BDH1: variants seen among roughly 807,000 people sequenced by gnomAD.
BDH1 encodes the protein D-beta-hydroxybutyrate dehydrogenase, mitochondrial.
In BDH1, 30 loss-of-function variants were observed where a neutral mutation model predicts 33.1. The ratio of observed to expected loss-of-function variants is 0.91; its 90% CI spans 0.68 to 1.23. BDH1 has a LOEUF of 1.23. Among genes scored for constraint, BDH1 ranks in the 50% most tolerant of loss-of-function variants. BDH1 has a pLI of 0.00. For missense variants in BDH1, 443 were observed against 464.4 expected (o/e 0.95, Z 0.42); for synonymous variants, 190 against 183.6 (o/e 1.03, Z -0.28).
Position 197,526,787 on chromosome 3 carries a change from C to T in BDH1, c.268-4006G>A, listed in dbSNP as rs574458401. Among the ~76,000 whole-genome samples the T allele has an allele frequency of 1.2e-4, 19 of 152,340 alleles. No homozygotes were observed. Among genetic ancestry groups the T allele is most frequent in the African/African-American group, 2.6e-4 (11 of 41,574 alleles). On this transcript the variant is annotated intron_variant, in intron 5 of 7. Coordinates refer to ENST00000392379, the MANE Select transcript of BDH1 (RefSeq NM_203314.3). The surrounding 1 kb of genome is among the most constrained non-coding windows in gnomAD (Gnocchi z 4.7). ...AGACGAGCCACTCCTGTCTCAATCTCGGGCCTTTAGACTTCTTCTGGTGGA... is the reference window on the plus strand; with the variant it reads ...AGACGAGCCACTCCTGTCTCAATCTTGGGCCTTTAGACTTCTTCTGGTGGA...
Position 197,514,468 on chromosome 3 carries a change from A to G in BDH1, c.410-52T>C, listed in dbSNP as rs747303349. On this transcript the variant is annotated intron_variant, in intron 6 of 7. Transcript: ENST00000392379. The surrounding 1 kb of genome is among the most constrained non-coding windows in gnomAD (Gnocchi z 4.2). ...TTTACCACATGGGCTTGGCCCAGAC[A>G]TTGCCCATCAGCCTGCAGGCCAGCC... 3 of 1,495,828 alleles carry G rather than the reference A, an allele frequency of 2.0e-6. No homozygotes were observed. Among genetic ancestry groups the G allele is most frequent in the South Asian group, 2.8e-5 (2 of 72,420 alleles). The allele number at this position is 1,495,828 out of a possible 1,614,324, so 92.7% of individuals were successfully genotyped here.
rs1713589697 is a variant in BDH1, at chr3:197,521,908, C to A, written c.409+732G>T. 6.6e-6 allele frequency among the ~76,000 whole-genome samples: 1 copy of A among 152,230 alleles called. No individual in the cohort carries two copies. Among genetic ancestry groups the A allele is most frequent in the Admixed American group, 6.5e-5 (1 of 15,286 alleles). On this transcript the variant is annotated intron_variant, in intron 6 of 7. Transcript: ENST00000392379. The surrounding 1 kb of genome is among the most constrained non-coding windows in gnomAD (Gnocchi z 4.9). The stretch of plus-strand genomic sequence containing the variant: ...CAAGTCTCACAATGACCAGGCCATT[C>A]CCTCAGGATGACCCCTTCAGTGGCT...
In BDH1 at chr3:197,511,660, C is replaced by A; in HGVS notation, c.*235G>T. On this transcript the variant is annotated 3_prime_UTR_variant, in exon 8 of 8. Transcript: ENST00000392379. ...ATTATCTCCGGAGAGATAGATTCAC[C>A]ATGTTTGCCCTGAGATTTAGAGGCC... 1 of 448,152 alleles carries A rather than the reference C, an allele frequency of 2.2e-6. No individual in the cohort carries two copies. The allele number at this position is 448,152 out of a possible 1,614,324, so 27.8% of individuals were successfully genotyped here. A position where few individuals can be genotyped will look rare whatever the true frequency, so the allele number is the denominator to read the frequency against.
At chr3:197,541,128 G>A (rs1317507564) in intron 3 of BDH1, among the ~76,000 whole-genome samples, 2 of 152,174 alleles carry the variant, frequency 1.3e-5, no homozygotes, top group Non-Finnish European at 2.9e-5. Flanking sequence ...CAATTTGAAG[G>A]GGCCTTGGGA....
chr3:197,552,791 T>G (rs994616538), intron 2 of BDH1, among the ~76,000 whole-genome samples: 5 of 152,232 alleles, frequency 3.3e-5, no homozygotes, highest in African/African-American at 1.2e-4. Context: ...TACATATTTA[T>G]CTTGTTTGTT....
chr3:197,571,139 C>G (rs1025172054), intron 1 of BDH1, among the ~76,000 whole-genome samples: 4 of 152,214 alleles, frequency 2.6e-5, no homozygotes, highest in Admixed American at 2.6e-4. Context: ...TTGGCCCCTT[C>G]GTTTTGACCC....
At chr3:197,532,363 A>G in intron 5 of BDH1, 49 bp downstream of exon 5, 1 of 1,529,884 alleles carries the variant, frequency 6.5e-7, no homozygotes, top group Non-Finnish European at 9.1e-7. Context: ...ACTAAAAAAC[A>G]ATGACTATGT....
intron 3 of BDH1, among the ~76,000 whole-genome samples, chr3:197,539,461 A>C (rs895053027): frequency 2.6e-5 from 4 of 152,234 alleles, no homozygotes; most frequent in Admixed American, 1.3e-4. Flanking sequence ...GTTTAAAACA[A>C]AGATGGCAGC....
upstream of BDH1, among the ~76,000 whole-genome samples, chr3:197,556,924 C>T (rs1406033895): frequency 6.6e-6 from 1 of 152,174 alleles, no homozygotes; most frequent in Non-Finnish European, 1.5e-5. Context: ...CTTGGGGCCC[C>T]CAAATCACTA....
upstream of BDH1, among the ~76,000 whole-genome samples, chr3:197,559,018 T>C (rs544718637): frequency 2.0e-5 from 3 of 151,918 alleles, no homozygotes; most frequent in African/African-American, 4.8e-5. Flanking sequence ...TTTTTTTTTT[T>C]TGAGATGGAA....
chr3:197,547,842 G>A (rs571831715), intron 2 of BDH1, among the ~76,000 whole-genome samples: 7 of 150,846 alleles, frequency 4.6e-5, no homozygotes, highest in East Asian at 1.9e-4. Context: ...TCAGAGTACC[G>A]GCTCCTGCTC....
rs1047297609 is a variant in BDH1 at position 197,520,496 on chromosome 3, G to A, written c.409+2144C>T. Among the ~76,000 whole-genome samples the A allele has an allele frequency of 6.6e-6, 1 of 152,168 alleles. No individual in the cohort carries two copies. The highest frequency in any genetic ancestry group is 1.9e-4 in the East Asian group (1 of 5,184). On this transcript the variant is annotated intron_variant, in intron 6 of 7. Transcript: ENST00000392379. This position sits in a 1 kb window ranked among gnomAD's most constrained non-coding sequence, Gnocchi z 6.0. ...CCTGCCTTGTAGGTTAGGCTGCCTG[G>A]CCAGTCCAGTACAGACAATGGAAGT... is the stretch of plus-strand genomic sequence containing the variant.
intron 1 of BDH1, among the ~76,000 whole-genome samples, chr3:197,572,859 TACA>T (rs1019157816): frequency 6.6e-6 from 1 of 152,120 alleles, no homozygotes; most frequent in African/African-American, 2.4e-5. Context: ...TCTAATGTAT[TACA>T]ACAAGCTGTT....
rs750811753 is a variant in BDH1, at chr3:197,553,527, CAAAAAAAA to C, written c.-44+1027_-44+1034del. 2.8e-3 allele frequency among the ~76,000 whole-genome samples: 270 copies of C among 97,090 alleles called. 1 individual carries two copies. The highest frequency in any genetic ancestry group is 0.01 in the African/African-American group (265 of 25,968). The allele number at this position is 97,090 out of a possible 152,430, so 63.7% of individuals were successfully genotyped here. On this transcript the variant is annotated intron_variant, in intron 2 of 7. Coordinates refer to ENST00000392379, the MANE Select transcript of BDH1 (RefSeq NM_203314.3). ...CTGGCAACAGAGCAAGACTCTGTCT[CAAAAAAAA>C]AAAAAAAAAAAGAAGAGTTTTAAGA...
At position 197,514,511 on chromosome 3, in the gene BDH1, C is replaced by T; in HGVS notation, c.410-95G>A. 2.9e-6 allele frequency: 4 copies of T among 1,371,120 alleles called. No homozygotes were observed. The East Asian group carries it at 9.9e-5, about 34-fold the overall frequency. 84.9% of individuals were successfully genotyped at this position (1,371,120 alleles called of 1,614,324 possible). ...GGCCAGCCTCCTCTCTGCTTCTTTCCTGTGACTTCCCAGCCTCTCGCCCAG... is the reference window on the plus strand; with the variant it reads ...GGCCAGCCTCCTCTCTGCTTCTTTCTTGTGACTTCCCAGCCTCTCGCCCAG... On this transcript the variant is annotated intron_variant, in intron 6 of 7. Coordinates refer to ENST00000392379, the MANE Select transcript of BDH1 (RefSeq NM_203314.3). This position sits in a 1 kb window ranked among gnomAD's most constrained non-coding sequence, Gnocchi z 4.2.
rs1713954910 is a variant in BDH1 at position 197,525,035 on chromosome 3, C to T, written c.268-2254G>A. On this transcript the variant is annotated intron_variant, in intron 5 of 7. Transcript: ENST00000392379. The surrounding 1 kb of genome is among the most constrained non-coding windows in gnomAD (Gnocchi z 4.9). ...TTGGCTCTGAAATCCCCTAGGTGCGCCGACCTTCCCAAACAAGACGCAGGC... is the reference window on the plus strand; with the variant it reads ...TTGGCTCTGAAATCCCCTAGGTGCGTCGACCTTCCCAAACAAGACGCAGGC... Among the ~76,000 whole-genome samples, 1 of 152,134 alleles carries T rather than the reference C, an allele frequency of 6.6e-6. No individual in the cohort carries two copies. Among genetic ancestry groups the T allele is most frequent in the African/African-American group, 2.4e-5 (1 of 41,418 alleles).
chr3:197,540,438 G>A (rs1333782643), intron 3 of BDH1, among the ~76,000 whole-genome samples: 1 of 148,200 alleles, frequency 6.7e-6, no homozygotes, highest in Admixed American at 6.7e-5. Context: ...GGGAGGCTGA[G>A]GCGGGCAGAC....
At position 197,520,380 on chromosome 3, in the gene BDH1, A is replaced by G. The variant is rs530824515; in HGVS notation, c.409+2260T>C. ...GCCCGGCGTGGGAAAAGCAGCAGGG[A>G]AAGGTCTGCGCGTCAGGCTGGTGCT... On this transcript the variant is annotated intron_variant, in intron 6 of 7. Coordinates refer to ENST00000392379, the MANE Select transcript of BDH1 (RefSeq NM_203314.3). The surrounding 1 kb of genome is among the most constrained non-coding windows in gnomAD (Gnocchi z 6.0). 1.3e-5 allele frequency among the ~76,000 whole-genome samples: 2 copies of G among 151,608 alleles called. No homozygotes were observed. Among genetic ancestry groups the G allele is most frequent in the South Asian group, 4.2e-4 (2 of 4,798 alleles).
upstream of BDH1, among the ~76,000 whole-genome samples, chr3:197,559,192 G>A (rs181025461): frequency 1.3e-5 from 2 of 152,018 alleles, no homozygotes; most frequent in East Asian, 3.9e-4. Flanking sequence ...TAGAGATGGG[G>A]TTTCACCATG....
Sources: gnomAD v4.1 joint callset for allele counts (sites outside exome capture counted in the v4.1 genomes callset) on GRCh38, gnomAD v4.1.1 for gene constraint, Gnocchi (gnomAD v3.1) non-coding constraint, MANE v1.5 for transcripts, NCBI Gene and HGNC (gene_info 2026-07-23, HGNC 2026-07-21) for gene names.